Variants in PVT1 observed in about 807,000 individuals in gnomAD.
PVT1 encodes the protein CXCR4/PVT1 fusion.
chr8:128,058,891 T>C (rs1813796159), intron 4 of PVT1, among the ~76,000 whole-genome samples: 1 of 152,228 alleles, frequency 6.6e-6, no homozygotes, highest in Non-Finnish European at 1.5e-5. Flanking sequence ...TGGCACTTGG[T>C]ATTGCACCAG....
intron 4 of PVT1, among the ~76,000 whole-genome samples, chr8:128,058,289 C>T (rs139710962): frequency 1.3e-3 from 198 of 152,198 alleles, no homozygotes; most frequent in African/African-American, 3.9e-3. Flanking sequence ...TTTTATTTCA[C>T]GTCTTATTAT....
At chr8:127,952,008 GT>G (rs1816511179) in intron 3 of PVT1, among the ~76,000 whole-genome samples, 1 of 151,968 alleles carries the variant, frequency 6.6e-6, no homozygotes, top group African/African-American at 2.4e-5. Context: ...TAGAGACGAG[GT>G]TTTACCACAT....
chr8:127,961,142 G>T (rs978022679), intron 3 of PVT1, among the ~76,000 whole-genome samples: 4 of 152,226 alleles, frequency 2.6e-5, no homozygotes, highest in Non-Finnish European at 4.4e-5. Flanking sequence ...GCAGAGGCCA[G>T]ATCCTAGAAA....
intron 3 of PVT1, among the ~76,000 whole-genome samples, chr8:127,950,185 G>C (rs1373824649): frequency 6.6e-6 from 1 of 152,238 alleles, no homozygotes. Context: ...GATGATGCAG[G>C]CTTGACAGTG....
At chr8:127,905,535 G>A (rs1200069228) in intron 3 of PVT1, among the ~76,000 whole-genome samples, 1 of 152,168 alleles carries the variant, frequency 6.6e-6, no homozygotes, top group Admixed American at 6.5e-5. Flanking sequence ...GGTCATTTCT[G>A]AGTTGAGCAC....
intron 4 of PVT1, among the ~76,000 whole-genome samples, chr8:128,062,730 A>AT (rs1449359838): frequency 6.6e-6 from 1 of 151,938 alleles, no homozygotes; most frequent in Non-Finnish European, 1.5e-5. Flanking sequence ...TCTGTGATTT[A>AT]TTTTTTTCCA....
At chr8:127,813,201 T>TACA (rs2051315200) in intron 2 of PVT1, among the ~76,000 whole-genome samples, 1 of 145,496 alleles carries the variant, frequency 6.9e-6, no homozygotes, top group Non-Finnish European at 1.5e-5. Flanking sequence ...CAAATATATA[T>TACA]AATATACAAA....
At chr8:127,973,679 T>C (rs1015098335) in intron 3 of PVT1, among the ~76,000 whole-genome samples, 10 of 94,012 alleles carry the variant, frequency 1.1e-4, no homozygotes, top group African/African-American at 3.1e-4. Context: ...GTTGCCTTTT[T>C]GAAAAAAAAA....
chr8:127,929,549 G>A (rs902961884), intron 3 of PVT1, among the ~76,000 whole-genome samples: 2 of 152,144 alleles, frequency 1.3e-5, no homozygotes, highest in Non-Finnish European at 2.9e-5. Flanking sequence ...GGCGGATCAC[G>A]AGGTCAGGAG....
chr8:127,901,295 G>A (rs1184494666), intron 3 of PVT1, among the ~76,000 whole-genome samples: 1 of 152,156 alleles, frequency 6.6e-6, no homozygotes, highest in Non-Finnish European at 1.5e-5. Context: ...CTCACTCACT[G>A]AGGGTTATCC....
rs1281325115 is a variant in PVT1, at chr8:127,892,497, C to T, written n.782+1499C>T. ...TTTCTTGAGTATATATATGACTTAG[C>T]CCAGCAATCCCACTAGGAGAGCAAT... On this transcript the variant is annotated intron_variant and non_coding_transcript_variant, in intron 3 of 10. Transcript: ENST00000651587. Among the ~76,000 whole-genome samples, 4 of 152,284 alleles carry T rather than the reference C, an allele frequency of 2.6e-5. No homozygotes were observed. The East Asian group carries it at 5.8e-4, about 22-fold the overall frequency.
At chr8:127,822,574 C>G (rs1472816487) in intron 2 of PVT1, among the ~76,000 whole-genome samples, 1 of 152,062 alleles carries the variant, frequency 6.6e-6, no homozygotes, top group Non-Finnish European at 1.5e-5. Flanking sequence ...AGGACTCTGT[C>G]TCAGAAAAGA....
intron 3 of PVT1, among the ~76,000 whole-genome samples, chr8:127,961,362 C>T (rs181083395): frequency 1.2e-4 from 19 of 152,250 alleles, no homozygotes; most frequent in Admixed American, 8.5e-4. Flanking sequence ...AGTCCCTGAA[C>T]GCGGTGCACG....
chr8:127,794,680 AAAGG>A (rs952928985), exon 1 of PVT1: 2 of 152,996 alleles, frequency 1.3e-5, no homozygotes, highest in Non-Finnish European at 2.9e-5. Context: ...TTCCTTGCGG[AAAGG>A]ATGTTGGCGG....
chr8:127,841,700 C>A (rs367720659), intron 2 of PVT1, among the ~76,000 whole-genome samples: 3 of 151,912 alleles, frequency 2.0e-5, no homozygotes, highest in Non-Finnish European at 2.9e-5. Context: ...TGTGCCTCAT[C>A]ATCTGACCCA....
intron 4 of PVT1, among the ~76,000 whole-genome samples, chr8:128,005,868 C>A (rs1817240514): frequency 6.6e-6 from 1 of 152,056 alleles, no homozygotes; most frequent in Admixed American, 6.6e-5. Context: ...CTTTGGGAGG[C>A]CAAGGCAGGC....
intron 4 of PVT1, among the ~76,000 whole-genome samples, chr8:128,043,830 CTT>C (rs1158046188): frequency 1.0e-4 from 12 of 116,266 alleles, no homozygotes; most frequent in Middle Eastern, 4.7e-3. Flanking sequence ...AACATCTTGT[CTT>C]TTTTTTTTTT....
At chr8:127,981,155 A>T (rs1816879016) in intron 3 of PVT1, among the ~76,000 whole-genome samples, 1 of 152,084 alleles carries the variant, frequency 6.6e-6, no homozygotes, top group Non-Finnish European at 1.5e-5. Context: ...TTGTAAATGA[A>T]CTATTATATT....
chr8:127,986,169 C>A (rs138635367), intron 3 of PVT1, among the ~76,000 whole-genome samples: 16 of 152,286 alleles, frequency 1.1e-4, no homozygotes, highest in African/African-American at 3.9e-4. Flanking sequence ...CCCTGCCTCT[C>A]GGCCTGTAGA....
Sources: allele counts gnomAD v4.1 joint callset (sites outside exome capture counted in the v4.1 genomes callset), GRCh38; gene constraint gnomAD v4.1.1; transcripts MANE v1.5; gene names NCBI Gene and HGNC (gene_info 2026-07-23, HGNC 2026-07-21).